AGPAT5: variants seen among roughly 807,000 people sequenced by gnomAD.
The protein encoded by AGPAT5 is 1-acyl-sn-glycerol-3-phosphate acyltransferase epsilon.
AGPAT5 carries 46 observed loss-of-function variants against 45.6 expected under a neutral mutation model. That is an observed-to-expected ratio of 1.01 (90% CI 0.80 to 1.29). The LOEUF is 1.29. AGPAT5 is among the 50% of genes most tolerant of loss of function. The pLI is 0.00. For missense variants in AGPAT5, 673 were observed against 450.7 expected, an observed-to-expected ratio of 1.49 and a Z score of -4.47; for synonymous variants, 272 against 167.0, an observed-to-expected ratio of 1.63 and a Z score of -4.85.
At chr8:6,723,375 CAG>C (rs1225782424) in intron 1 of AGPAT5, among the ~76,000 whole-genome samples, 1 of 152,166 alleles carries the variant, frequency 6.6e-6, no homozygotes, top group Non-Finnish European at 1.5e-5. Flanking sequence ...TATGTAGAGA[CAG>C]GGTCTGGCTG....
At chr8:6,750,604 C>A (rs1426632288) in intron 6 of AGPAT5, among the ~76,000 whole-genome samples, 1 of 151,900 alleles carries the variant, frequency 6.6e-6, no homozygotes, top group African/African-American at 2.4e-5. Context: ...AGTGCACTTA[C>A]AAATTGATAA....
At position 6,708,845 on chromosome 8, in the gene AGPAT5, G is replaced by C. The variant is rs1429241424; in HGVS notation, c.177G>C (p.Gln59His). 6.2e-7 allele frequency: 1 copy of C among 1,611,172 alleles called. No individual in the cohort carries two copies. The highest frequency in any genetic ancestry group is 8.5e-7 in the Non-Finnish European group (1 of 1,179,444). ...ACGACCGGCTCTACTGCGTCTACCA[G>C]AGCATGGTGCTCTTCTTCTTCGAGA... The part of the protein sequence containing the change: ...ALDDRLYCVY[Q>H]SMVLFFFENY... Residue 59 changes from glutamine (Q) to histidine (H), a missense_variant, in exon 1 of 8, where the codon CAG (glutamine) becomes CAC (histidine). Transcript: ENST00000285518.
rs967957720 is a variant in AGPAT5 at position 6,761,094 on chromosome 8, C to G, written c.*3706C>G. On this transcript the variant is annotated 3_prime_UTR_variant, in exon 8 of 8. Transcript: ENST00000285518. ...ATACCTTGTTATTATAATATGTATACTATAATAATAGCTGGTTATCCTGAG... is the reference window on the plus strand; with the variant it reads ...ATACCTTGTTATTATAATATGTATAGTATAATAATAGCTGGTTATCCTGAG... Among the ~76,000 whole-genome samples the G allele has an allele frequency of 2.6e-5, 4 of 152,080 alleles. No homozygotes were observed. Among genetic ancestry groups the G allele is most frequent in the African/African-American group, 4.8e-5 (2 of 41,384 alleles).
chr8:6,721,533 C>T (rs73524949), intron 1 of AGPAT5, among the ~76,000 whole-genome samples: 3,374 of 152,218 alleles, frequency 0.022, 123 homozygotes, highest in African/African-American at 0.077. Flanking sequence ...ACTACAATCC[C>T]AGGAGGAGTA....
intron 1 of AGPAT5, among the ~76,000 whole-genome samples, chr8:6,709,697 C>T (rs536575557): frequency 3.9e-5 from 6 of 151,940 alleles, no homozygotes; most frequent in Admixed American, 3.9e-4. Context: ...GGAAATGGGA[C>T]GGTATCATTT....
At chr8:6,756,736 A>G (rs1276844668) in intron 7 of AGPAT5, among the ~76,000 whole-genome samples, 1 of 152,108 alleles carries the variant, frequency 6.6e-6, no homozygotes, top group African/African-American at 2.4e-5. Context: ...TCCTGGGACC[A>G]GCCCCCTGTC....
intron 6 of AGPAT5, among the ~76,000 whole-genome samples, chr8:6,753,142 C>G (rs901055593): frequency 1.3e-5 from 2 of 152,226 alleles, no homozygotes; most frequent in Non-Finnish European, 2.9e-5. Context: ...TTAGGAAAAA[C>G]AAAAGGACCC....
In AGPAT5 at chr8:6,747,121, C is replaced by G. The variant is rs750586652; in HGVS notation, c.587-549C>G. 1.5e-3 allele frequency among the ~76,000 whole-genome samples: 226 copies of G among 152,280 alleles called. 5 individuals are homozygous for G. The highest frequency in any genetic ancestry group is 6.2e-3 in the East Asian group (32 of 5,188). On this transcript the variant is annotated intron_variant, in intron 5 of 7. Coordinates refer to ENST00000285518, the MANE Select transcript of AGPAT5 (RefSeq NM_018361.5). ...TAATAGCCAAAGTATGGATGCAACC[C>G]AAATGTCCATGAAGCAATTAATAGG...
chr8:6,730,810 G>T lies in AGPAT5; in HGVS notation c.389G>T (p.Gly130Val). 6.2e-7 allele frequency: 1 copy of T among 1,612,290 alleles called. No homozygotes were observed. The highest frequency in any genetic ancestry group is 8.5e-7 in the Non-Finnish European group (1 of 1,178,766). The change falls in exon 3 of 8, where the codon GGG (glycine) becomes GTG (valine). Residue 130 changes from glycine to valine, a missense_variant. Physicochemically the swap from Gly to Val is moderately radical, Grantham distance 109 (BLOSUM62 -3). Transcript: ENST00000285518. The part of the protein sequence containing the change: ...KEGLKWLPLY[G>V]CYFAQHGGIY... ...GGGTTAAAATGGCTGCCATTGTATG[G>T]GTGTTACTTTGCTCAGGTAACTTGT... is the stretch of plus-strand genomic sequence containing the variant.
intron 1 of AGPAT5, among the ~76,000 whole-genome samples, chr8:6,717,954 A>G (rs1800384904): frequency 6.6e-6 from 1 of 152,222 alleles, no homozygotes; most frequent in Admixed American, 6.5e-5. Flanking sequence ...TGAGAAACCT[A>G]GGTGTAATTC....
chr8:6,708,658 G>C lies in AGPAT5; in HGVS notation c.-11G>C. ...AGCGCAGGCGGAGCTCGCTGCCGCC[G>C]AGCTGAGAAGATGCTGCTGTCCCTG... On this transcript the variant is annotated 5_prime_UTR_variant, in exon 1 of 8. Transcript: ENST00000285518. The C allele has an allele frequency of 1.3e-6, 2 of 1,546,916 alleles. No individual in the cohort carries two copies. Among genetic ancestry groups the C allele is most frequent in the African/African-American group, 1.4e-5 (1 of 71,160 alleles).
chr8:6,736,716 G>T (rs1291104279), intron 4 of AGPAT5, among the ~76,000 whole-genome samples: 2 of 152,258 alleles, frequency 1.3e-5, no homozygotes, highest in African/African-American at 4.8e-5. Flanking sequence ...ACCCAAACGA[G>T]ATTCTGAGTT....
chr8:6,750,206 G>A (rs1242756145), intron 6 of AGPAT5, among the ~76,000 whole-genome samples: 19 of 152,190 alleles, frequency 1.2e-4, no homozygotes, highest in Non-Finnish European at 5.9e-5. Context: ...GTGTGTTACA[G>A]TGCTGGCACT....
At chr8:6,729,751 C>A (rs1270888547) in intron 2 of AGPAT5, among the ~76,000 whole-genome samples, 1 of 152,338 alleles carries the variant, frequency 6.6e-6, no homozygotes. Flanking sequence ...GCTCAACTAA[C>A]AACTTCTAGG....
chr8:6,744,326 A>C (rs1197663497), intron 5 of AGPAT5, among the ~76,000 whole-genome samples: 1 of 152,216 alleles, frequency 6.6e-6, no homozygotes, highest in Admixed American at 6.5e-5. Context: ...GCTAGTGCTC[A>C]GCTTTGTGTG....
rs1801898671 is a variant in AGPAT5, at chr8:6,757,874, A to C, written c.*486A>C. ...TCAGTGAAATAAATTGTATTTAGGA[A>C]GTGTCAGGATGTTCAAAGGAAAGGG... is the stretch of plus-strand genomic sequence containing the variant. On this transcript the variant is annotated 3_prime_UTR_variant, in exon 8 of 8. Transcript: ENST00000285518. 6.5e-6 allele frequency: 1 copy of C among 153,416 alleles called. No individual in the cohort carries two copies. Among genetic ancestry groups the C allele is most frequent in the Admixed American group, 6.5e-5 (1 of 15,448 alleles). The allele number at this position is 153,416 out of a possible 1,614,324, so 9.5% of individuals were successfully genotyped here. A position where few individuals can be genotyped will look rare whatever the true frequency, so the allele number is the denominator to read the frequency against.
chr8:6,747,458 T>C (rs550428498), intron 5 of AGPAT5, among the ~76,000 whole-genome samples: 1 of 152,230 alleles, frequency 6.6e-6, no homozygotes, highest in Non-Finnish European at 1.5e-5. Flanking sequence ...CATGTAGATA[T>C]TTGATCAATA....
At chr8:6,737,236 A>G (rs1801085138) in intron 4 of AGPAT5, among the ~76,000 whole-genome samples, 2 of 152,140 alleles carry the variant, frequency 1.3e-5, no homozygotes, top group African/African-American at 4.8e-5. Flanking sequence ...AAGAATCTGG[A>G]TGGTTGTTTC....
Position 6,759,091 on chromosome 8 carries a change from A to C in AGPAT5, c.*1703A>C, listed in dbSNP as rs1182937922. 6.6e-6 allele frequency: 1 copy of C among 152,236 alleles called. No homozygotes were observed. Among genetic ancestry groups the C allele is most frequent in the Non-Finnish European group, 1.5e-5 (1 of 68,044 alleles). The allele number at this position is 152,236 out of a possible 1,614,324, so 9.4% of individuals were successfully genotyped here. On this transcript the variant is annotated 3_prime_UTR_variant, in exon 8 of 8. Transcript: ENST00000285518. ...GGACACTCAGGATATAGTTGGCCTA[A>C]TAATCGGGGCATGGGTAAAACTTAT...
Sources: allele counts gnomAD v4.1 joint callset (sites outside exome capture counted in the v4.1 genomes callset), GRCh38; gene constraint gnomAD v4.1.1; transcripts MANE v1.5; gene names NCBI Gene and HGNC (gene_info 2026-07-23, HGNC 2026-07-21).